The following NEDD9 variants were observed in gnomAD, a reference collection of about 807,000 sequenced individuals.
The protein encoded by NEDD9 is neural precursor cell expressed, developmentally down-regulated 9.
NEDD9 carries 26 observed loss-of-function variants against 76.6 expected under a neutral mutation model. The ratio of observed to expected loss-of-function variants is 0.34; its 90% CI spans 0.25 to 0.47. NEDD9 has a LOEUF of 0.47. Ranked by LOEUF, NEDD9 falls within the 20% of genes least tolerant of loss-of-function variation. The pLI is 1.00. For synonymous variants in NEDD9, 392 were observed against 414.2 expected (o/e 0.95, Z 0.65); for missense variants, 937 against 1,058.5 (o/e 0.89, Z 1.59).
intron 1 of NEDD9, among the ~76,000 whole-genome samples, chr6:11,345,306 A>G (rs2113527137): frequency 6.6e-6 from 1 of 152,312 alleles, no homozygotes; most frequent in South Asian, 2.1e-4. Flanking sequence ...ACTGAGTGAC[A>G]AGGAACTGTG....
chr6:11,363,424 T>C (rs1031115345), intron 1 of NEDD9, among the ~76,000 whole-genome samples: 1 of 152,172 alleles, frequency 6.6e-6, no homozygotes, highest in Non-Finnish European at 1.5e-5. Context: ...TATGGATTTG[T>C]GGATACGTAT....
intron 3 of NEDD9, among the ~76,000 whole-genome samples, chr6:11,305,679 A>G (rs1761166688): frequency 6.6e-6 from 1 of 152,208 alleles, no homozygotes; most frequent in Non-Finnish European, 1.5e-5. Context: ...TGAATAGTTC[A>G]GTGAGTGTAA....
intron 1 of NEDD9, among the ~76,000 whole-genome samples, chr6:11,349,504 A>T (rs760456725): frequency 1.3e-5 from 2 of 152,250 alleles, no homozygotes; most frequent in Non-Finnish European, 2.9e-5. Context: ...ACAATAGCCA[A>T]GACATGGAAT....
rs1008474565 is a variant in NEDD9, at chr6:11,323,269, A to G, written c.-153+11232T>C. ...GGAGACTTGCCCACTGAGTGACTTT[A>G]CTATACCCCCAGGCCTTACTAACTT... On this transcript the variant is annotated intron_variant, in intron 2 of 3. Coordinates refer to the NEDD9 transcript ENST00000397378. 2.6e-5 allele frequency among the ~76,000 whole-genome samples: 4 copies of G among 152,372 alleles called. No homozygotes were observed. In the South Asian group the frequency reaches 6.2e-4, roughly 24 times the overall value.
intron 1 of NEDD9, among the ~76,000 whole-genome samples, chr6:11,223,671 G>A (rs116631540): frequency 0.011 from 1,689 of 152,320 alleles, 42 homozygotes; most frequent in African/African-American, 0.039. Flanking sequence ...TGCGGGCTAT[G>A]AGGCGAGAGC....
At chr6:11,347,998 A>G (rs1481734079) in intron 1 of NEDD9, among the ~76,000 whole-genome samples, 1 of 152,174 alleles carries the variant, frequency 6.6e-6, no homozygotes, top group African/African-American at 2.4e-5. Flanking sequence ...GAGGAAGTCT[A>G]TCTCTGTTTG....
rs1384579197 is a variant in NEDD9 at position 11,284,556 on chromosome 6, A to G, written c.12+21436T>C. Among the ~76,000 whole-genome samples the G allele has an allele frequency of 2.6e-5, 4 of 151,688 alleles. No homozygotes were observed. The South Asian group carries it at 8.3e-4, about 31-fold the overall frequency. ...ACTCCAGCCTGAGCGACAGAGCAAGACTCTGTCTCAAAAAAATAAAAAATA... is the reference window on the plus strand; with the variant it reads ...ACTCCAGCCTGAGCGACAGAGCAAGGCTCTGTCTCAAAAAAATAAAAAATA... On this transcript the variant is annotated intron_variant, in intron 3 of 3. Transcript: ENST00000397378.
chr6:11,288,404 G>A (rs1229217041), intron 3 of NEDD9, among the ~76,000 whole-genome samples: 1 of 152,196 alleles, frequency 6.6e-6, no homozygotes, highest in East Asian at 1.9e-4. Context: ...ATGTGTTGAG[G>A]CAGAGCTGCC....
At chr6:11,306,187 G>A in intron 2 of NEDD9, 2 of 710,538 alleles carry the variant, frequency 2.8e-6, no homozygotes, top group Admixed American at 2.6e-5. Flanking sequence ...GGAAAGGTTG[G>A]TAAGATCTGA....
chr6:11,329,763 G>C (rs574282984), intron 2 of NEDD9, among the ~76,000 whole-genome samples: 4 of 152,158 alleles, frequency 2.6e-5, no homozygotes, highest in African/African-American at 7.2e-5. Context: ...AACTGGGTGG[G>C]GGGGGCGGTG....
intron 1 of NEDD9, among the ~76,000 whole-genome samples, chr6:11,343,053 C>T (rs1249558209): frequency 6.6e-6 from 1 of 152,008 alleles, no homozygotes; most frequent in Non-Finnish European, 1.5e-5. Flanking sequence ...TCAAAAGCCA[C>T]TCATCTGTAC....
At chr6:11,377,841 G>A (rs1762991911) in intron 1 of NEDD9, among the ~76,000 whole-genome samples, 1 of 152,232 alleles carries the variant, frequency 6.6e-6, no homozygotes, top group Non-Finnish European at 1.5e-5. Context: ...AATTTTGGAG[G>A]TGGGATCTAG....
intron 2 of NEDD9, among the ~76,000 whole-genome samples, chr6:11,330,814 A>C (rs993585503): frequency 6.6e-6 from 1 of 152,206 alleles, no homozygotes; most frequent in Non-Finnish European, 1.5e-5. Flanking sequence ...ATTCTGGATA[A>C]GTCCATGAAA....
chr6:11,264,590 A>C (rs1760172274), intron 3 of NEDD9, among the ~76,000 whole-genome samples: 1 of 152,226 alleles, frequency 6.6e-6, no homozygotes, highest in African/African-American at 2.4e-5. Context: ...CCAAATAAAA[A>C]ATGAATCAAA....
upstream of NEDD9, among the ~76,000 whole-genome samples, chr6:11,236,177 G>A (rs35210001): frequency 0.32 from 48,824 of 151,970 alleles, 8,247 homozygotes; most frequent in Middle Eastern, 0.39. The surrounding 1 kb of genome is among the most constrained non-coding windows in gnomAD (Gnocchi z 5.5). Flanking sequence ...ATTGATTTAT[G>A]CAGCAGCCCT....
intron 1 of NEDD9, among the ~76,000 whole-genome samples, chr6:11,222,974 A>G (rs1194760453): frequency 6.6e-6 from 1 of 152,358 alleles, no homozygotes; most frequent in East Asian, 1.9e-4. Context: ...CCCTCTGGGT[A>G]CGGGCAATGT....
At chr6:11,219,026 A>T (rs183765564) in intron 1 of NEDD9, among the ~76,000 whole-genome samples, 109 of 152,322 alleles carry the variant, frequency 7.2e-4, no homozygotes, top group African/African-American at 2.3e-3. Flanking sequence ...ACTAGGTGAC[A>T]GAGCACCATT....
intron 2 of NEDD9, among the ~76,000 whole-genome samples, chr6:11,312,170 G>A (rs2113441671): frequency 6.6e-6 from 1 of 152,022 alleles, no homozygotes; most frequent in South Asian, 2.1e-4. Flanking sequence ...ACAGCTCCCC[G>A]TGATGCCCCT....
At chr6:11,297,580 T>C (rs1760928545) in intron 3 of NEDD9, among the ~76,000 whole-genome samples, 2 of 152,186 alleles carry the variant, frequency 1.3e-5, no homozygotes, top group Non-Finnish European at 2.9e-5. Context: ...AGGCTCATTC[T>C]CCCACCAGGC....
Sources: allele counts gnomAD v4.1 joint callset (sites outside exome capture counted in the v4.1 genomes callset), GRCh38; gene constraint gnomAD v4.1.1; non-coding constraint Gnocchi (gnomAD v3.1); transcripts MANE v1.5; gene names NCBI Gene and HGNC (gene_info 2026-07-23, HGNC 2026-07-21).